Variants in ENKD1 observed in about 807,000 individuals in gnomAD.
ENKD1 encodes enkurin domain-containing protein 1.
ENKD1 carries 39 observed loss-of-function variants against 35.8 expected under a neutral mutation model. The ratio of observed to expected loss-of-function variants is 1.09; its 90% CI spans 0.84 to 1.42. The LOEUF is 1.42. Ranked by LOEUF, ENKD1 falls within the 40% of genes most tolerant of loss-of-function variation. The pLI, the probability that ENKD1 is intolerant of heterozygous loss-of-function variation, is 0.00. For missense variants in ENKD1, 474 were observed against 471.3 expected, an observed-to-expected ratio of 1.01 and a Z score of -0.05; for synonymous variants, 205 against 198.6, an observed-to-expected ratio of 1.03 and a Z score of -0.27.
At chr16:67,665,941 T>C (rs539632690) in intron 2 of ENKD1, 130 bp downstream of exon 2, 2 of 997,618 alleles carry the variant, frequency 2.0e-6, no homozygotes, top group Non-Finnish European at 2.9e-6. Context: ...CTCCCCCTTT[T>C]ATAGTTGGGG....
chr16:67,663,331 GC>G lies in ENKD1; in HGVS notation c.881-11del. The G allele has an allele frequency of 6.2e-7, 1 of 1,613,310 alleles. No individual in the cohort carries two copies. The highest frequency in any genetic ancestry group is 8.5e-7 in the Non-Finnish European group (1 of 1,180,008). Reference sequence around the variant, plus strand: ...AGCAGCTGGCTCTGGCCTACAGGGGGCCCGGGAACAGTGAGAACAGTGAGTG... The same window carrying G: ...AGCAGCTGGCTCTGGCCTACAGGGGGCCGGGAACAGTGAGAACAGTGAGTG... On this transcript the variant is annotated splice_polypyrimidine_tract_variant and intron_variant, in intron 6 of 6. Transcript: ENST00000243878.
rs1167629094 is a variant in ENKD1 at position 67,663,236 on chromosome 16, G to T, written c.966C>A (p.Asp322Glu). 1 of 1,614,008 alleles carries T rather than the reference G, an allele frequency of 6.2e-7. No individual in the cohort carries two copies. The highest frequency in any genetic ancestry group is 8.5e-7 in the Non-Finnish European group (1 of 1,180,032). The change falls in exon 7 of 7, where the codon GAC becomes GAA. Residue 322 changes from aspartate (D) to glutamate (E), a missense_variant. Physicochemically the swap from Asp to Glu is conservative, Grantham distance 45. Transcript: ENST00000243878. ...CCTCCTCTACCTGCACCAGCTTCCGGTCCAGCTCAGCACGGTGGCTCTGGG... is the reference window on the plus strand; with the variant it reads ...CCTCCTCTACCTGCACCAGCTTCCGTTCCAGCTCAGCACGGTGGCTCTGGG... The part of the protein sequence containing the change: ...LRAQSHRAEL[D>E]RKLVQVEEAI...
chr16:67,665,351 C>A (rs530281121), intron 2 of ENKD1, among the ~76,000 whole-genome samples, 183 bp from the exon 3 acceptor site: 1 of 152,186 alleles, frequency 6.6e-6, no homozygotes, highest in East Asian at 1.9e-4. Flanking sequence ...TAGTAAGTAT[C>A]ACAGGATGAT....
rs916250581 is a variant in ENKD1 at position 67,666,738 on chromosome 16, G to C, written c.-296C>G. ...CAGCCGCTGCCACCCGACGGGACTT[G>C]TTGTTGCCGGGCAACCGTGGCTTCC... On this transcript the variant is annotated 5_prime_UTR_variant, in exon 1 of 7. Coordinates refer to ENST00000243878, the MANE Select transcript of ENKD1 (RefSeq NM_032140.3). The C allele has an allele frequency of 2.7e-5, 13 of 480,906 alleles. No homozygotes were observed. Among genetic ancestry groups the C allele is most frequent in the African/African-American group, 2.0e-4 (10 of 48,984 alleles). 29.8% of individuals were successfully genotyped at this position (480,906 alleles called of 1,614,324 possible). A position where few individuals can be genotyped will look rare whatever the true frequency, so the allele number is the denominator to read the frequency against.
chr16:67,665,963 C>G (rs1480995818), intron 2 of ENKD1, 108 bp downstream of exon 2: 2 of 1,221,022 alleles, frequency 1.6e-6, no homozygotes, highest in African/African-American at 3.1e-5. Context: ...AACTGAGACT[C>G]AAGAGATGCA....
rs776339167 is a variant in ENKD1 at position 67,666,056 on chromosome 16, A to T, written c.280+15T>A. 6.2e-7 allele frequency: 1 copy of T among 1,609,924 alleles called. No individual in the cohort carries two copies. Among genetic ancestry groups the T allele is most frequent in the Non-Finnish European group, 8.5e-7 (1 of 1,178,322 alleles). ...GCACTGCCTCTCTGTCCCTTCTTCC[A>T]TTCCTGGGACTTACTCTTGAGAGAG... On this transcript the variant is annotated intron_variant, in intron 2 of 6. Transcript: ENST00000243878.
At position 67,666,521 on chromosome 16, in the gene ENKD1, C is replaced by T. The variant is rs902352979; in HGVS notation, c.-79G>A. ...CCCTCCCCGGGCCCCCTTCCCCAAC[C>T]CCGGGCCCCCTCCCTCGCCCGGCAC... On this transcript the variant is annotated 5_prime_UTR_variant, in exon 1 of 7. Coordinates refer to ENST00000243878, the MANE Select transcript of ENKD1 (RefSeq NM_032140.3). 6 of 1,291,892 alleles carry T rather than the reference C, an allele frequency of 4.6e-6. No homozygotes were observed. The highest frequency in any genetic ancestry group is 2.7e-4 in the Middle Eastern group (1 of 3,666). 80.0% of individuals were successfully genotyped at this position (1,291,892 alleles called of 1,614,324 possible). A position where few individuals can be genotyped will look rare whatever the true frequency, so the allele number is the denominator to read the frequency against.
intron 2 of ENKD1, 88 bp from the exon 3 acceptor site, chr16:67,665,256 C>T (rs762513858): frequency 2.0e-6 from 3 of 1,468,078 alleles, no homozygotes; most frequent in Non-Finnish European, 2.7e-6. Flanking sequence ...TGCCCCCTGC[C>T]TCCTACAGAA....
intron 3 of ENKD1, chr16:67,664,628 CT>C (rs1203454368): frequency 9.6e-6 from 3 of 312,960 alleles, no homozygotes; most frequent in African/African-American, 6.6e-5. Context: ...GAAATAAGGG[CT>C]GAAAAGTGGC....
Position 67,666,138 on chromosome 16 carries a change from C to G in ENKD1, c.213G>C (p.Gln71His), listed in dbSNP as rs781092322. The change falls in exon 2 of 7, where the codon CAG (glutamine) becomes CAC (histidine). Residue 71 changes from glutamine (Q) to histidine (H), a missense_variant. Gln to His is a conservative substitution (Grantham distance 24). Transcript: ENST00000243878. Reference protein sequence around the residue: ...PGAGEILERGQRGVGDVLLQL... With the variant: ...PGAGEILERGHRGVGDVLLQL... ...GCAACAGCACGTCCCCGACGCCGCG[C>G]TGGCCGCGCTCCAGGATCTCTCCGG... 6.2e-7 allele frequency: 1 copy of G among 1,612,830 alleles called. No homozygotes were observed. Among genetic ancestry groups the G allele is most frequent in the Admixed American group, 1.7e-5 (1 of 60,028 alleles).
In ENKD1 at chr16:67,664,056, C is replaced by T. The variant is rs1240039566; in HGVS notation, c.460G>A (p.Gly154Ser). 1 of 1,556,920 alleles carries T rather than the reference C, an allele frequency of 6.4e-7. No individual in the cohort carries two copies. Among genetic ancestry groups the T allele is most frequent in the African/African-American group, 1.4e-5 (1 of 73,540 alleles). ...GCAGACTCTGTCCCAGAGGCAGGGCCAGGCTCCTGGAGGGCAGGGCACAGC... is the reference window on the plus strand; with the variant it reads ...GCAGACTCTGTCCCAGAGGCAGGGCTAGGCTCCTGGAGGGCAGGGCACAGC... ...SRVKAQLQEP[G>S]PASGTESAHF... The change falls in exon 4 of 7, where the codon GGC becomes AGC. Residue 154 changes from glycine (G) to serine (S), a missense_variant. By Grantham distance (56) the Gly-to-Ser change is moderately conservative. Coordinates refer to ENST00000243878, the MANE Select transcript of ENKD1 (RefSeq NM_032140.3).
In ENKD1 at chr16:67,665,130, G is replaced by A. The variant is rs746067269; in HGVS notation, c.319C>T (p.Arg107Trp). The change falls in exon 3 of 7, where the codon CGG (arginine) becomes TGG (tryptophan). Residue 107 changes from arginine (R) to tryptophan (W), a missense_variant. Physicochemically the swap from Arg to Trp is moderately radical, Grantham distance 101. Transcript: ENST00000243878. ...AAGCGCTTCTGAATCTCCCTGATCC[G>A]CCTCAGGTTCTCCTTCTCATGGTCC... ...PKDHEKENLR[R>W]IREIQKRFRE... 20 of 1,613,538 alleles carry A rather than the reference G, an allele frequency of 1.2e-5. No individual in the cohort carries two copies. The highest frequency in any genetic ancestry group is 3.3e-5 in the South Asian group (3 of 91,064).
Position 67,663,180 on chromosome 16 carries a change from A to G in ENKD1, c.1022T>C (p.Phe341Ser), listed in dbSNP as rs1433989411. The G allele has an allele frequency of 6.2e-7, 1 of 1,613,986 alleles. No individual in the cohort carries two copies. Among genetic ancestry groups the G allele is most frequent in the Non-Finnish European group, 8.5e-7 (1 of 1,180,018 alleles). The part of the protein sequence containing the change: ...AIKIFSRPKV[F>S]VKMDD ...AGGGGCTCAGTCGTCCATCTTCACGAAGACTTTGGGCCGAGAAAAGATCTT... is the reference window on the plus strand; with the variant it reads ...AGGGGCTCAGTCGTCCATCTTCACGGAGACTTTGGGCCGAGAAAAGATCTT... The change falls in exon 7 of 7, where the codon TTC (phenylalanine) becomes TCC (serine). Residue 341 changes from phenylalanine (F) to serine (S), a missense_variant. Phe to Ser is a radical substitution (Grantham distance 155). Coordinates refer to ENST00000243878, the MANE Select transcript of ENKD1 (RefSeq NM_032140.3).
intron 3 of ENKD1, 29 bp from the exon 4 acceptor site, chr16:67,664,091 A>C: frequency 6.5e-7 from 1 of 1,543,610 alleles, no homozygotes; most frequent in Non-Finnish European, 8.8e-7. Context: ...CAGAGAGAGC[A>C]GGCAGGCTGA....
intron 2 of ENKD1, 42 bp downstream of exon 2, chr16:67,666,029 C>T (rs1295281258): frequency 6.3e-7 from 1 of 1,591,448 alleles, no homozygotes; most frequent in African/African-American, 1.4e-5. Context: ...TCTTTCCACC[C>T]CGCACTGCCT....
At position 67,666,110 on chromosome 16, in the gene ENKD1, G is replaced by A. The variant is rs754064079; in HGVS notation, c.241C>T (p.Leu81Phe). ...CCAGGACCTAGGGAGATCCCCTCGA[G>A]TTGCAACAGCACGTCCCCGACGCCG... ...QRGVGDVLLQ[L>F]EGISLGPGAS... The change falls in exon 2 of 7, where the codon CTC (leucine) becomes TTC (phenylalanine). Residue 81 changes from leucine to phenylalanine, a missense_variant. Leu to Phe is a conservative substitution (Grantham distance 22). Coordinates refer to ENST00000243878, the MANE Select transcript of ENKD1 (RefSeq NM_032140.3). 8 of 1,612,842 alleles carry A rather than the reference G, an allele frequency of 5.0e-6. No homozygotes were observed. The highest frequency in any genetic ancestry group is 1.7e-5 in the Admixed American group (1 of 60,032).
chr16:67,664,459 C>T, intron 3 of ENKD1: 1 of 363,366 alleles, frequency 2.8e-6, no homozygotes, highest in South Asian at 2.2e-5. Flanking sequence ...CCTGAATTTC[C>T]ATCTGCTTCC....
chr16:67,663,683 G>A lies in ENKD1; in HGVS notation c.717C>T (p.Ala239=), dbSNP rs1016758002. The A allele has an allele frequency of 1.2e-6, 2 of 1,612,694 alleles. No homozygotes were observed. Among genetic ancestry groups the A allele is most frequent in the Admixed American group, 3.3e-5 (2 of 59,930 alleles). The part of the protein sequence containing the change: ...QQRQAQEHYN[A]TQKGHVPHYL... Reference sequence around the variant, plus strand: ...AATGTGGCACATGGCCCTTCTGCGTGGCATTGTAGTGCTCCTGGGCCTGCC... The same window carrying A: ...AATGTGGCACATGGCCCTTCTGCGTAGCATTGTAGTGCTCCTGGGCCTGCC... Residue 239 remains alanine (A), a synonymous_variant, in exon 5 of 7, where the codon GCC becomes GCT. Transcript: ENST00000243878.
intron 3 of ENKD1, 73 bp downstream of exon 3, chr16:67,664,923 G>T: frequency 6.7e-7 from 1 of 1,500,352 alleles, no homozygotes; most frequent in South Asian, 1.3e-5. Flanking sequence ...TCCCACCCCA[G>T]AACTCAGATC....
Sources: allele counts gnomAD v4.1 joint callset (sites outside exome capture counted in the v4.1 genomes callset), GRCh38; gene constraint gnomAD v4.1.1; transcripts MANE v1.5; gene names NCBI Gene and HGNC (gene_info 2026-07-23, HGNC 2026-07-21).